The following TGM5 variants were observed in gnomAD, a reference collection of about 807,000 sequenced individuals.
The protein encoded by TGM5 is transglutaminase 5.
TGM5 carries 69 observed loss-of-function variants against 77.2 expected under a neutral mutation model. The observed-to-expected ratio is 0.89, with a 90% CI of 0.74 to 1.09. The LOEUF (loss-of-function observed/expected upper bound fraction) is 1.09, where lower values mean the gene tolerates loss of function less well. Ranked by LOEUF, TGM5 falls within the 50% of genes least tolerant of loss-of-function variation. The pLI, the probability that TGM5 is intolerant of heterozygous loss-of-function variation, is 0.00. For missense variants in TGM5, 842 were observed against 896.5 expected (o/e 0.94, Z 0.78); for synonymous variants, 346 against 351.8 (o/e 0.98, Z 0.18).
At chr15:43,261,076 G>GTT (rs1555384178) in intron 1 of TGM5, among the ~76,000 whole-genome samples, 5 of 56,876 alleles carry the variant, frequency 8.8e-5, no homozygotes, top group South Asian at 6.0e-4. Flanking sequence ...TTGTGTGTGT[G>GTT]TTTTTTTTTT....
chr15:43,259,992 G>C, intron 3 of TGM5, 60 bp downstream of exon 3: 4 of 1,610,610 alleles, frequency 2.5e-6, no homozygotes, highest in Non-Finnish European at 2.5e-6. Context: ...CCTTGAGCCT[G>C]TCTCTCTGGC....
intron 3 of TGM5, among the ~76,000 whole-genome samples, chr15:43,258,395 G>T (rs938812672): frequency 1.3e-4 from 20 of 152,100 alleles, no homozygotes; most frequent in African/African-American, 4.8e-4. Context: ...TAAAATAAAG[G>T]TTAAAAATTA....
Position 43,238,909 on chromosome 15 carries a change from T to C in TGM5, c.1253A>G (p.Gln418Arg). Residue 418 changes from glutamine to arginine, a missense_variant, in exon 9 of 13, where the codon CAG (glutamine) becomes CGG (arginine). Around this residue, in one of 2 missense-constraint regions of TGM5, gnomAD observed 815 missense variants for 844.6 expected, o/e 0.96. Coordinates refer to ENST00000220420, the MANE Select transcript of TGM5 (RefSeq NM_201631.4). ...VQGGKEQKLH[Q>R]DTSSVGNFIS... ...AAAATTGCCAACAGAACTCGTGTCC[T>C]GGTGAAGCTTCTGCTCCTTCCCTCC... is the stretch of plus-strand genomic sequence containing the variant. The C allele has an allele frequency of 1.2e-6, 2 of 1,614,246 alleles. No individual in the cohort carries two copies. The highest frequency in any genetic ancestry group is 1.7e-6 in the Non-Finnish European group (2 of 1,180,044).
rs574058873 is a variant in TGM5, at chr15:43,252,629, G to C, written c.862+130C>G. 90 of 1,223,176 alleles carry C rather than the reference G, an allele frequency of 7.4e-5. No individual in the cohort carries two copies. The South Asian group carries it at 1.0e-3, about 14-fold the overall frequency. 75.8% of individuals were successfully genotyped at this position (1,223,176 alleles called of 1,614,324 possible). On this transcript the variant is annotated intron_variant, in intron 6 of 12. Coordinates refer to ENST00000220420, the MANE Select transcript of TGM5 (RefSeq NM_201631.4). Reference sequence around the variant, plus strand: ...CCGTGCCCGGCCGAGACATTTCAGAGAGGAAAAGGGCTTCCTTCCAAATGT... The same window carrying C: ...CCGTGCCCGGCCGAGACATTTCAGACAGGAAAAGGGCTTCCTTCCAAATGT...
Position 43,260,258 on chromosome 15 carries a change from A to T in TGM5, c.230T>A (p.Phe77Tyr), listed in dbSNP as rs773842128. 5 of 1,614,006 alleles carry T rather than the reference A, an allele frequency of 3.1e-6. No homozygotes were observed. The South Asian group carries it at 3.3e-5, about 11-fold the overall frequency. Residue 77 changes from phenylalanine (F) to tyrosine (Y), a missense_variant, in exon 3 of 13, where the codon TTC (phenylalanine) becomes TAC (tyrosine). Around this residue, in one of 2 missense-constraint regions of TGM5, gnomAD observed 815 missense variants for 844.6 expected, o/e 0.96. Transcript: ENST00000220420. ...PDLALGTRAV[F>Y]SLARHHSPSP... ...GGGGCTGTGATGGCGTGCCAGGCTG[A>T]ACACAGCCCGAGTCCCCAAGGCCAG...
At chr15:43,242,412 T>TG (rs143092247) in intron 6 of TGM5, among the ~76,000 whole-genome samples, 5,497 of 152,308 alleles carry the variant, frequency 0.036, 329 homozygotes, top group African/African-American at 0.12. Flanking sequence ...ATTTTCCCCC[T>TG]GTTGTAAATA....
chr15:43,240,281 A>C (rs918337422), intron 7 of TGM5, among the ~76,000 whole-genome samples: 1 of 152,164 alleles, frequency 6.6e-6, no homozygotes, highest in African/African-American at 2.4e-5. Flanking sequence ...AGCAGAATGT[A>C]GACAAACAGG....
Position 43,252,921 on chromosome 15 carries a change from C to G in TGM5, c.700G>C (p.Asp234His). ...CAGTTTCCATTGAGCACCCCATTAT[C>G]ATCATTGCTGTTGATCTGAAGAGAA... ...VVCAMINSND[D>H]NGVLNGNWSE... The change falls in exon 6 of 13, where the codon GAT (aspartate) becomes CAT (histidine). Residue 234 changes from aspartate (D) to histidine (H), a missense_variant. By Grantham distance (81) the Asp-to-His change is moderately conservative. This residue lies in a region of TGM5 where 815 missense variants were observed against 844.6 expected (regional missense o/e 0.96). Transcript: ENST00000220420. The G allele has an allele frequency of 6.2e-7, 1 of 1,613,428 alleles. No individual in the cohort carries two copies. The highest frequency in any genetic ancestry group is 8.5e-7 in the Non-Finnish European group (1 of 1,180,022).
chr15:43,243,338 A>G (rs550324702), intron 6 of TGM5, among the ~76,000 whole-genome samples: 2 of 152,176 alleles, frequency 1.3e-5, no homozygotes, highest in African/African-American at 2.4e-5. Flanking sequence ...TCTGAGTTCA[A>G]CTCACCACTA....
chr15:43,259,271 A>G (rs1416503685), intron 3 of TGM5, among the ~76,000 whole-genome samples: 1 of 151,792 alleles, frequency 6.6e-6, no homozygotes, highest in African/African-American at 2.4e-5. Flanking sequence ...TGAGACAGGT[A>G]GTGTGAGATA....
chr15:43,257,906 T>G (rs2042753903), intron 3 of TGM5, among the ~76,000 whole-genome samples: 5 of 152,054 alleles, frequency 3.3e-5, no homozygotes, highest in African/African-American at 1.2e-4. Context: ...CCATAAAAAA[T>G]GATGAGTTCA....
Position 43,240,818 on chromosome 15 carries a change from G to A in TGM5, c.1001+34C>T. ...GCCATGGGGCTTGGCTCTGATGTGTGGCCCTAGAAATAGGTTGAGAGGTTG... is the reference window on the plus strand; with the variant it reads ...GCCATGGGGCTTGGCTCTGATGTGTAGCCCTAGAAATAGGTTGAGAGGTTG... On this transcript the variant is annotated intron_variant, in intron 7 of 12. Coordinates refer to ENST00000220420, the MANE Select transcript of TGM5 (RefSeq NM_201631.4). 1.9e-6 allele frequency: 3 copies of A among 1,613,494 alleles called. No individual in the cohort carries two copies. In the South Asian group the frequency reaches 3.3e-5, roughly 18 times the overall value.
chr15:43,255,648 G>A (rs750257553), intron 4 of TGM5, among the ~76,000 whole-genome samples: 4 of 152,060 alleles, frequency 2.6e-5, no homozygotes, highest in Admixed American at 6.5e-5. Flanking sequence ...AAGGCTCCAC[G>A]AGGATCCCCA....
At chr15:43,251,443 A>G (rs1377310506) in intron 6 of TGM5, among the ~76,000 whole-genome samples, 2 of 152,016 alleles carry the variant, frequency 1.3e-5, no homozygotes, top group Non-Finnish European at 2.9e-5. Flanking sequence ...TGCACACGAA[A>G]TGCAACAAAC....
chr15:43,254,533 G>C (rs1349101310), intron 4 of TGM5, among the ~76,000 whole-genome samples: 1 of 152,148 alleles, frequency 6.6e-6, no homozygotes, highest in East Asian at 1.9e-4. Context: ...AATTTTCAAA[G>C]GCCTCCTACA....
At position 43,256,601 on chromosome 15, in the gene TGM5, G is replaced by A; in HGVS notation, c.522C>T (p.Asn174=). ...DYGFIYQGSK[N]WIRPCPWNYG... ...AGTTCCAGGGACATGGGCGGATCCA[G>A]TTCTTGCTGCCTTGGTAGATGAAGC... is the stretch of plus-strand genomic sequence containing the variant. Residue 174 remains asparagine (N), a synonymous_variant, in exon 4 of 13, where the codon AAC becomes AAT. Transcript: ENST00000220420. 6.2e-7 allele frequency: 1 copy of A among 1,614,182 alleles called. No homozygotes were observed. The highest frequency in any genetic ancestry group is 8.5e-7 in the Non-Finnish European group (1 of 1,180,026).
At chr15:43,235,976 T>A in intron 9 of TGM5, 139 bp from the exon 10 acceptor site, 1 of 1,178,140 alleles carries the variant, frequency 8.5e-7, no homozygotes, top group Non-Finnish European at 1.2e-6. Context: ...CCTCCACTCC[T>A]CATGTGCTTT....
chr15:43,260,050 A>G lies in TGM5; in HGVS notation c.436+2T>C. The G allele has an allele frequency of 6.2e-7, 1 of 1,613,492 alleles. No homozygotes were observed. The highest frequency in any genetic ancestry group is 8.5e-7 in the Non-Finnish European group (1 of 1,180,012). On this transcript the variant is annotated splice_donor_variant, in intron 3 of 12. Transcript: ENST00000220420. LOFTEE classifies it high-confidence loss of function. ...GGGCACCGCCTGGGCACCCAGCCTTACCTGGGCACCAGGGATTGAAAAGCA... is the reference window on the plus strand; with the variant it reads ...GGGCACCGCCTGGGCACCCAGCCTTGCCTGGGCACCAGGGATTGAAAAGCA...
At chr15:43,265,042 C>T (rs1240206218) in intron 1 of TGM5, among the ~76,000 whole-genome samples, 2 of 152,168 alleles carry the variant, frequency 1.3e-5, no homozygotes, top group African/African-American at 4.8e-5. Flanking sequence ...CAGATTTAAT[C>T]AACATCTTAT....
Sources: gnomAD v4.1 joint callset for allele counts (sites outside exome capture counted in the v4.1 genomes callset) on GRCh38, gnomAD v4.1.1 for gene constraint, gnomAD v4.1.1 regional missense constraint, MANE v1.5 for transcripts, NCBI Gene and HGNC (gene_info 2026-07-23, HGNC 2026-07-21) for gene names.